The following SLC9C1 variants were observed in gnomAD, a reference collection of about 807,000 sequenced individuals.
SLC9C1 encodes solute carrier family 9 member C1.
Under a neutral mutation model 140.9 loss-of-function variants are expected in SLC9C1, and 97 were observed. The ratio of observed to expected loss-of-function variants is 0.69; its 90% CI spans 0.58 to 0.82. SLC9C1 has a LOEUF of 0.82. Among genes scored for constraint, SLC9C1 ranks in the 40% least tolerant of loss-of-function variants. SLC9C1 has a pLI of 0.00. For synonymous variants in SLC9C1, 440 were observed against 442.6 expected (o/e 0.99, Z 0.07); for missense variants, 1,340 against 1,389.3 (o/e 0.96, Z 0.56).
chr3:112,262,140 T>C (rs547994655), intron 10 of SLC9C1, among the ~76,000 whole-genome samples: 21 of 152,088 alleles, frequency 1.4e-4, no homozygotes, highest in African/African-American at 4.8e-4. Context: ...TTTCAGAACC[T>C]AGATCTGTGC....
chr3:112,269,772 C>T, intron 7 of SLC9C1, 144 bp downstream of exon 7: 1 of 592,674 alleles, frequency 1.7e-6, no homozygotes, highest in Non-Finnish European at 2.5e-6. Flanking sequence ...TGTTTAATAT[C>T]TTTTGATAGA....
chr3:112,240,526 T>G (rs1379276990), intron 11 of SLC9C1, among the ~76,000 whole-genome samples: 1 of 152,206 alleles, frequency 6.6e-6, no homozygotes, highest in African/African-American at 2.4e-5. Flanking sequence ...TCCAATCTGT[T>G]GGAGGCCTCA....
chr3:112,146,738 A>C (rs535363984), intron 28 of SLC9C1, among the ~76,000 whole-genome samples: 2 of 152,286 alleles, frequency 1.3e-5, no homozygotes, highest in African/African-American at 4.8e-5. Flanking sequence ...GCATGTGGTC[A>C]ATCTTGGAAT....
At chr3:112,164,486 A>C (rs1179771646) in intron 26 of SLC9C1, among the ~76,000 whole-genome samples, 33 of 140,844 alleles carry the variant, frequency 2.3e-4, no homozygotes, top group East Asian at 6.5e-4. Flanking sequence ...AAAATCTCTC[A>C]GCATTTGCTT....
intron 16 of SLC9C1, among the ~76,000 whole-genome samples, chr3:112,204,936 C>T (rs1240787944): frequency 6.6e-6 from 1 of 151,998 alleles, no homozygotes; most frequent in Admixed American, 6.6e-5. Flanking sequence ...TCACTAAATT[C>T]ACTTGTGTAA....
chr3:112,164,157 T>A (rs1407642349), intron 26 of SLC9C1, among the ~76,000 whole-genome samples: 1 of 151,936 alleles, frequency 6.6e-6, no homozygotes. Flanking sequence ...ATTTGGAGCC[T>A]ATGTGTGTCT....
chr3:112,222,008 G>A (rs908377230), intron 13 of SLC9C1, among the ~76,000 whole-genome samples: 2 of 151,800 alleles, frequency 1.3e-5, no homozygotes, highest in African/African-American at 4.8e-5. Flanking sequence ...TTCGTTTTGG[G>A]GAAATACTAG....
rs189943201 is a variant in SLC9C1 at position 112,250,167 on chromosome 3, G to A, written c.1198-6091C>T. Among the ~76,000 whole-genome samples, 545 of 151,270 alleles carry A rather than the reference G, an allele frequency of 3.6e-3. 2 individuals carry two copies. Among genetic ancestry groups the A allele is most frequent in the South Asian group, 5.4e-3 (26 of 4,792 alleles). ...TATGAGTGAGAACATGCGGTGTTTG[G>A]TTTTTTGTCCTTGCGACAGTTTGCT... On this transcript the variant is annotated intron_variant, in intron 10 of 28. Transcript: ENST00000305815.
At chr3:112,200,116 A>G (rs910915760) in intron 19 of SLC9C1, among the ~76,000 whole-genome samples, 2 of 152,012 alleles carry the variant, frequency 1.3e-5, no homozygotes, top group African/African-American at 4.8e-5. Context: ...AGCTCACCAC[A>G]TGGTATAAAA....
chr3:112,163,920 G>C (rs1253848816), intron 26 of SLC9C1, among the ~76,000 whole-genome samples: 1 of 152,078 alleles, frequency 6.6e-6, no homozygotes, highest in Non-Finnish European at 1.5e-5. Flanking sequence ...TCTCTTTGTA[G>C]GTCACTCAGG....
intron 26 of SLC9C1, among the ~76,000 whole-genome samples, chr3:112,155,915 TATA>T (rs946537354): frequency 6.6e-6 from 1 of 152,144 alleles, no homozygotes; most frequent in Non-Finnish European, 1.5e-5. Flanking sequence ...TGGGGGTACA[TATA>T]ATATTTTGAT....
chr3:112,161,678 G>C lies in SLC9C1; in HGVS notation c.3364+5543C>G, dbSNP rs1006737883. ...ATGCTGTTTTGGTTACTGCAGCCTT[G>C]TAGTATAGTTTGAAGTCAGGTAGCG... On this transcript the variant is annotated intron_variant, in intron 26 of 28. Coordinates refer to ENST00000305815, the MANE Select transcript of SLC9C1 (RefSeq NM_183061.3). Among the ~76,000 whole-genome samples the C allele has an allele frequency of 4.7e-4, 71 of 152,180 alleles. 1 individual carries two copies. The highest frequency in any genetic ancestry group is 1.4e-3 in the African/African-American group (59 of 41,528).
At chr3:112,183,344 C>CTTTTTT (rs1159788975) in intron 20 of SLC9C1, among the ~76,000 whole-genome samples, 4 of 20,960 alleles carry the variant, frequency 1.9e-4, no homozygotes, top group Non-Finnish European at 2.4e-4. Flanking sequence ...TATTTAGCAC[C>CTTTTTT]TTTTCTTTTT....
intron 3 of SLC9C1, among the ~76,000 whole-genome samples, chr3:112,279,949 T>G (rs2080314540): frequency 6.6e-6 from 1 of 152,246 alleles, no homozygotes; most frequent in African/African-American, 2.4e-5. Context: ...GTCTTAACAT[T>G]GGTCTCTTCC....
At chr3:112,207,262 A>G (rs2078079893) in intron 16 of SLC9C1, among the ~76,000 whole-genome samples, 1 of 152,174 alleles carries the variant, frequency 6.6e-6, no homozygotes, top group African/African-American at 2.4e-5. Flanking sequence ...TTTCCATTGA[A>G]ATTCTGAAGG....
At chr3:112,144,455 C>A (rs1462505700) in intron 28 of SLC9C1, among the ~76,000 whole-genome samples, 1 of 151,884 alleles carries the variant, frequency 6.6e-6, no homozygotes, top group Non-Finnish European at 1.5e-5. Flanking sequence ...GCCACCACAC[C>A]CGGCCATTTT....
Position 112,202,231 on chromosome 3 carries a change from G to C in SLC9C1, c.2322+19C>G. On this transcript the variant is annotated intron_variant, in intron 18 of 28. Coordinates refer to ENST00000305815, the MANE Select transcript of SLC9C1 (RefSeq NM_183061.3). ...GAGGGCTGAGTGAACTCTTTTCTTA[G>C]GATTTAAGGTTTTCTTACCTGTTTA... 1 of 1,607,360 alleles carries C rather than the reference G, an allele frequency of 6.2e-7. No individual in the cohort carries two copies. The highest frequency in any genetic ancestry group is 8.5e-7 in the Non-Finnish European group (1 of 1,177,632).
rs566383678 is a variant in SLC9C1 at position 112,174,689 on chromosome 3, A to G, written c.2919+4842T>C. On this transcript the variant is annotated intron_variant, in intron 23 of 28. Coordinates refer to ENST00000305815, the MANE Select transcript of SLC9C1 (RefSeq NM_183061.3). Reference sequence around the variant, plus strand: ...GCCATGTGCTGGAGGTGCCAGCATAATGACTAGGCCCTTTGTTCCTTTCCA... The same window carrying G: ...GCCATGTGCTGGAGGTGCCAGCATAGTGACTAGGCCCTTTGTTCCTTTCCA... Among the ~76,000 whole-genome samples the G allele has an allele frequency of 1.3e-3, 200 of 152,264 alleles. 1 individual carries two copies. Among genetic ancestry groups the G allele is most frequent in the South Asian group, 2.3e-3 (11 of 4,820 alleles).
chr3:112,182,726 T>G (rs906162474), intron 20 of SLC9C1, among the ~76,000 whole-genome samples: 6 of 152,208 alleles, frequency 3.9e-5, no homozygotes, highest in African/African-American at 1.4e-4. Context: ...CCTAGATTAA[T>G]AAAACATTTG....
Sources: allele counts gnomAD v4.1 joint callset (sites outside exome capture counted in the v4.1 genomes callset), GRCh38; gene constraint gnomAD v4.1.1; transcripts MANE v1.5; gene names NCBI Gene and HGNC (gene_info 2026-07-23, HGNC 2026-07-21).